PTCD1: variants seen among roughly 807,000 people sequenced by gnomAD.
The protein encoded by PTCD1 is pentatricopeptide repeat domain 1.
In PTCD1, 50 loss-of-function variants were observed where a neutral mutation model predicts 53.4. The observed-to-expected ratio is 0.94, with a 90% CI of 0.75 to 1.19. The LOEUF is 1.19. PTCD1 is among the 50% of genes most tolerant of loss of function. The probability of loss-of-function intolerance (pLI) is 0.00; values close to 1 mark genes in which losing one functional copy is unlikely to be tolerated. For synonymous variants in PTCD1, 413 were observed against 394.8 expected, an observed-to-expected ratio of 1.05 and a Z score of -0.55; for missense variants, 918 against 904.8, an observed-to-expected ratio of 1.01 and a Z score of -0.19.
intron 7 of PTCD1, among the ~76,000 whole-genome samples, chr7:99,423,055 A>C: frequency 6.8e-6 from 1 of 147,922 alleles, no homozygotes; most frequent in Non-Finnish European, 1.5e-5. Context: ...TCTTTCGCCT[A>C]TTAAACTTCA....
At position 99,419,475 on chromosome 7, in the gene PTCD1, G is replaced by A. The variant is rs752264283; in HGVS notation, c.*492C>T. On this transcript the variant is annotated 3_prime_UTR_variant, in exon 8 of 8. Transcript: ENST00000292478. ...CGCTCCACCCTGGACTCTGGACTTCGCAGGTTCCTGCCTGTCACGCCACCC... is the reference window on the plus strand; with the variant it reads ...CGCTCCACCCTGGACTCTGGACTTCACAGGTTCCTGCCTGTCACGCCACCC... 8 of 1,607,520 alleles carry A rather than the reference G, an allele frequency of 5.0e-6. No homozygotes were observed. Among genetic ancestry groups the A allele is most frequent in the South Asian group, 2.2e-5 (2 of 91,066 alleles).
chr7:99,421,866 C>T (rs1005315006), intron 7 of PTCD1, among the ~76,000 whole-genome samples: 1 of 152,110 alleles, frequency 6.6e-6, no homozygotes, highest in Admixed American at 6.5e-5. Flanking sequence ...CGCACAAAGT[C>T]GATCCTTACA....
chr7:99,434,437 A>G (rs966296001), intron 2 of PTCD1, among the ~76,000 whole-genome samples: 41 of 151,866 alleles, frequency 2.7e-4, no homozygotes, highest in African/African-American at 9.9e-4. Flanking sequence ...CGACAGAGTG[A>G]GATCCTGTTA....
Position 99,425,077 on chromosome 7 carries a change from G to A in PTCD1, c.1455C>T (p.Pro485=), listed in dbSNP as rs369540728. The change falls in exon 6 of 8, where the codon CCC becomes CCT. Residue 485 remains proline (P), a synonymous_variant. Coordinates refer to ENST00000292478, the MANE Select transcript of PTCD1 (RefSeq NM_015545.4). ...LSKMAEHRQQ[P]DIRTLTLLAE... ...CCAGTAGCGTGAGGGTCCTGATGTC[G>A]GGCTGCTGCCTGTGCTCTGCCATCT... The A allele has an allele frequency of 1.2e-4, 191 of 1,614,064 alleles. 2 individuals are homozygous for A. The South Asian group carries it at 1.6e-3, about 14-fold the overall frequency.
At position 99,434,926 on chromosome 7, in the gene PTCD1, G is replaced by A. The variant is rs1796402208; in HGVS notation, c.317C>T (p.Ala106Val). 7 of 1,614,256 alleles carry A rather than the reference G, an allele frequency of 4.3e-6. 1 individual carries two copies. In the Middle Eastern group the frequency reaches 1.2e-3, roughly 266 times the overall value. The change falls in exon 2 of 8, where the codon GCA (alanine) becomes GTA (valine). Residue 106 changes from alanine to valine, a missense_variant. Coordinates refer to ENST00000292478, the MANE Select transcript of PTCD1 (RefSeq NM_015545.4). ...YSSRRLFRKS[A>V]AQFHNLRFGE... ...AAACCGCAGGTTATGGAACTGGGCT[G>A]CGGATTTGCGGAATAGTCTCCGGGA...
At chr7:99,428,614 G>A (rs1796146421) in intron 5 of PTCD1, among the ~76,000 whole-genome samples, 1 of 151,788 alleles carries the variant, frequency 6.6e-6, no homozygotes, top group African/African-American at 2.4e-5. Flanking sequence ...GGTGGCGGGC[G>A]CCTGTAATCT....
chr7:99,430,948 G>A (rs1404761352), intron 3 of PTCD1, among the ~76,000 whole-genome samples: 5 of 151,990 alleles, frequency 3.3e-5, no homozygotes, highest in African/African-American at 1.2e-4. Flanking sequence ...GGTGGTGGGC[G>A]CCTTTAATCC....
In PTCD1 at chr7:99,417,550, C is replaced by G; in HGVS notation, c.*2417G>C. ...GCATTCAGACACGGGACACCAACTTCGGGACGAACTGCATCTGCCGCGTGC... is the reference window on the plus strand; with the variant it reads ...GCATTCAGACACGGGACACCAACTTGGGGACGAACTGCATCTGCCGCGTGC... On this transcript the variant is annotated 3_prime_UTR_variant, in exon 8 of 8. Coordinates refer to ENST00000292478, the MANE Select transcript of PTCD1 (RefSeq NM_015545.4). 1 of 1,612,072 alleles carries G rather than the reference C, an allele frequency of 6.2e-7. No homozygotes were observed.
chr7:99,432,936 C>G (rs1337246110), intron 3 of PTCD1: 1 of 412,774 alleles, frequency 2.4e-6, no homozygotes, highest in African/African-American at 2.0e-5. Flanking sequence ...GTGCTCACAG[C>G]TACTGGCGAG....
Position 99,420,153 on chromosome 7 carries a change from G to C in PTCD1, c.1921-4C>G. The C allele has an allele frequency of 6.2e-7, 1 of 1,614,136 alleles. No homozygotes were observed. Among genetic ancestry groups the C allele is most frequent in the Non-Finnish European group, 8.5e-7 (1 of 1,180,034 alleles). ...GGTAGGTGTTCTTCCCTTGGTACTA[G>C]AATTAGAAAAGTGAGGCTAGAATCA... On this transcript the variant is annotated splice_region_variant and splice_polypyrimidine_tract_variant and intron_variant, in intron 7 of 7. Transcript: ENST00000292478.
At chr7:99,427,403 G>A (rs1329142330) in intron 5 of PTCD1, among the ~76,000 whole-genome samples, 4 of 148,940 alleles carry the variant, frequency 2.7e-5, no homozygotes, top group Admixed American at 2.0e-4. Context: ...GAGGTGAGGG[G>A]CGCCTCTGCC....
In PTCD1 at chr7:99,429,701, G is replaced by C. The variant is rs1428932001; in HGVS notation, c.700C>G (p.Leu234Val). The stretch of plus-strand genomic sequence containing the variant: ...TTTTTGGCCTGCAGCTGCTGCCGGA[G>C]CTTCAGGGCGCTCTGTAGAGCTGAG... Reference protein sequence around the residue: ...KDSALQSALKLRQQLQAKNFE... With the variant: ...KDSALQSALKVRQQLQAKNFE... The change falls in exon 4 of 8, where the codon CTC becomes GTC. Residue 234 changes from leucine to valine, a missense_variant. Coordinates refer to ENST00000292478, the MANE Select transcript of PTCD1 (RefSeq NM_015545.4). The C allele has an allele frequency of 1.2e-6, 2 of 1,614,110 alleles. No homozygotes were observed. The highest frequency in any genetic ancestry group is 1.7e-6 in the Non-Finnish European group (2 of 1,180,048).
chr7:99,421,989 G>C (rs925799426), intron 7 of PTCD1, among the ~76,000 whole-genome samples: 21 of 152,122 alleles, frequency 1.4e-4, no homozygotes, highest in Admixed American at 2.0e-4. Flanking sequence ...GTCTATGATA[G>C]TCTTGTGACT....
chr7:99,438,487 G>A, intron 1 of PTCD1: 1 of 1,088,738 alleles, frequency 9.2e-7, no homozygotes, highest in South Asian at 2.1e-5. Context: ...CGCTGCGGCC[G>A]TCCTTCCTCG....
rs377059531 is a variant in PTCD1 at position 99,417,598 on chromosome 7, A to G, written c.*2369T>C. Reference sequence around the variant, plus strand: ...TGCCCAAAAGCAAGCTGGAAGTGGTAATGTCTGACACTCAAGCTTGGTGTT... The same window carrying G: ...TGCCCAAAAGCAAGCTGGAAGTGGTGATGTCTGACACTCAAGCTTGGTGTT... On this transcript the variant is annotated 3_prime_UTR_variant, in exon 8 of 8. Coordinates refer to ENST00000292478, the MANE Select transcript of PTCD1 (RefSeq NM_015545.4). 6.2e-5 allele frequency: 100 copies of G among 1,610,854 alleles called. No homozygotes were observed. The highest frequency in any genetic ancestry group is 7.5e-5 in the Non-Finnish European group (89 of 1,179,996).
In PTCD1 at chr7:99,435,183, G is replaced by A. The variant is rs1188166956; in HGVS notation, c.60C>T (p.Ile20=). 1 of 1,605,180 alleles carries A rather than the reference G, an allele frequency of 6.2e-7. No homozygotes were observed. The highest frequency in any genetic ancestry group is 8.5e-7 in the Non-Finnish European group (1 of 1,179,388). ...FARARPMGLF[I]LQHLDPCRAR... The stretch of plus-strand genomic sequence containing the variant: ...CTCTACAGGGGTCCAGGTGTTGCAG[G>A]ATGAACAGTCCCATGGGGCGGGCCC... The change falls in exon 2 of 8, where the codon ATC becomes ATT. Residue 20 remains isoleucine (I), a synonymous_variant. Transcript: ENST00000292478.
Position 99,429,753 on chromosome 7 carries a change from G to A in PTCD1, c.648C>T (p.Asn216=), listed in dbSNP as rs151105300. ...CCTTCCAGGGGGACTCGGCACAGAC[G>A]TTGAACAGGGCCGTGTAGGTGGCGT... is the stretch of plus-strand genomic sequence containing the variant. ...PSDATYTALF[N]VCAESPWKDS... The change falls in exon 4 of 8, where the codon AAC becomes AAT. Residue 216 remains asparagine, a synonymous_variant. Transcript: ENST00000292478. 1.4e-5 allele frequency: 22 copies of A among 1,614,112 alleles called. No homozygotes were observed. Among genetic ancestry groups the A allele is most frequent in the Middle Eastern group, 1.6e-4 (1 of 6,084 alleles).
At position 99,429,573 on chromosome 7, in the gene PTCD1, C is replaced by T; in HGVS notation, c.813+15G>A. 1 of 1,614,212 alleles carries T rather than the reference C, an allele frequency of 6.2e-7. No homozygotes were observed. Among genetic ancestry groups the T allele is most frequent in the Non-Finnish European group, 8.5e-7 (1 of 1,180,042 alleles). On this transcript the variant is annotated intron_variant, in intron 4 of 7. Transcript: ENST00000292478. ...AGCCCCATGAAGGGGAGCAGGACGG[C>T]AGGGGAAGCCCCACCTTGAACACAT...
chr7:99,419,344 G>A lies in PTCD1; in HGVS notation c.*623C>T, dbSNP rs1795689487. ...TTGCCACATATGTGAGTGTGCAGGG[G>A]CGAGCGTGGCGCAGTGGCATCGTCT... On this transcript the variant is annotated 3_prime_UTR_variant, in exon 8 of 8. Coordinates refer to ENST00000292478, the MANE Select transcript of PTCD1 (RefSeq NM_015545.4). 3.1e-6 allele frequency: 5 copies of A among 1,606,818 alleles called. No individual in the cohort carries two copies. Among genetic ancestry groups the A allele is most frequent in the Non-Finnish European group, 4.3e-6 (5 of 1,176,186 alleles).
Sources: allele counts gnomAD v4.1 joint callset (sites outside exome capture counted in the v4.1 genomes callset), GRCh38; gene constraint gnomAD v4.1.1; transcripts MANE v1.5; gene names NCBI Gene and HGNC (gene_info 2026-07-23, HGNC 2026-07-21).